RGS7: variants seen among roughly 807,000 people sequenced by gnomAD.
The protein encoded by RGS7 is regulator of G-protein signaling 7.
In RGS7, 27 loss-of-function variants were observed where a neutral mutation model predicts 81.1. That is an observed-to-expected ratio of 0.33 (90% confidence interval 0.25 to 0.46). The LOEUF is 0.46. Ranked by LOEUF, RGS7 falls within the 20% of genes least tolerant of loss-of-function variation. The probability of loss-of-function intolerance (pLI) is 1.00; values close to 1 mark genes in which losing one functional copy is unlikely to be tolerated. For synonymous variants in RGS7, 208 were observed against 207.7 expected (o/e 1.00, Z -0.01); for missense variants, 396 against 607.4 (o/e 0.65, Z 3.66).
chr1:241,290,248 C>A (rs2079020620), intron 2 of RGS7, among the ~76,000 whole-genome samples: 1 of 152,172 alleles, frequency 6.6e-6, no homozygotes, highest in Non-Finnish European at 1.5e-5. Flanking sequence ...ACAGCAGCAG[C>A]TGATGCCAAA....
intron 2 of RGS7, among the ~76,000 whole-genome samples, chr1:241,224,569 A>G (rs1419130163): frequency 2.0e-5 from 3 of 152,126 alleles, no homozygotes; most frequent in African/African-American, 7.2e-5. Context: ...TTCCCACCAT[A>G]AAAGTTAAAG....
At chr1:241,198,980 C>T (rs2073286552) in intron 2 of RGS7, among the ~76,000 whole-genome samples, 1 of 151,980 alleles carries the variant, frequency 6.6e-6, no homozygotes, top group Admixed American at 6.6e-5. Context: ...TAATATACAA[C>T]CAAACAGCCT....
At chr1:240,804,572 G>A (rs1688538474) in intron 15 of RGS7, among the ~76,000 whole-genome samples, 1 of 152,130 alleles carries the variant, frequency 6.6e-6, no homozygotes, top group African/African-American at 2.4e-5. Context: ...ATCCTCTTAG[G>A]CAAGAATATT....
intron 6 of RGS7, among the ~76,000 whole-genome samples, chr1:240,907,498 G>A (rs1671016382): frequency 1.3e-5 from 2 of 152,062 alleles, no homozygotes; most frequent in Admixed American, 1.3e-4. Flanking sequence ...AAAAGATGAA[G>A]TTAGATATGT....
chr1:241,186,931 G>C (rs764662186), intron 2 of RGS7, among the ~76,000 whole-genome samples: 1 of 152,062 alleles, frequency 6.6e-6, no homozygotes, highest in African/African-American at 2.4e-5. Context: ...GGTCTTTTGC[G>C]TCAACTGTTC....
intron 4 of RGS7, among the ~76,000 whole-genome samples, chr1:240,981,462 C>A (rs748824413): frequency 6.6e-6 from 1 of 152,106 alleles, no homozygotes; most frequent in South Asian, 2.1e-4. Flanking sequence ...CACCTCTGAT[C>A]CTTAATAGTC....
At chr1:241,246,639 G>T (rs2076564907) in intron 2 of RGS7, among the ~76,000 whole-genome samples, 1 of 152,082 alleles carries the variant, frequency 6.6e-6, no homozygotes, top group Non-Finnish European at 1.5e-5. Flanking sequence ...AGTCCTTCGG[G>T]GGTAGGCAAA....
At chr1:241,045,713 T>C (rs77011686) in intron 3 of RGS7, among the ~76,000 whole-genome samples, 2,286 of 152,304 alleles carry the variant, frequency 0.015, 61 homozygotes, top group African/African-American at 0.052. Context: ...GGCTTGCCTT[T>C]TGCCCAAACA....
chr1:240,823,196 T>C, intron 10 of RGS7: 1 of 925,288 alleles, frequency 1.1e-6, no homozygotes, highest in Non-Finnish European at 1.8e-6. Context: ...AGGATAAGCG[T>C]GTCCATGGAC....
intron 10 of RGS7, among the ~76,000 whole-genome samples, chr1:240,819,456 C>T (rs182977987): frequency 4.6e-5 from 7 of 152,206 alleles, no homozygotes; most frequent in East Asian, 3.9e-4. Context: ...AGGTCCGATA[C>T]GAGGCCGGGC....
At chr1:241,002,046 T>A (rs1051866253) in intron 3 of RGS7, among the ~76,000 whole-genome samples, 1 of 152,146 alleles carries the variant, frequency 6.6e-6, no homozygotes, top group Non-Finnish European at 1.5e-5. Context: ...TTGGGACTTG[T>A]TGGTAGTGGA....
intron 2 of RGS7, among the ~76,000 whole-genome samples, chr1:241,108,788 G>A (rs569433712): frequency 6.6e-6 from 1 of 152,220 alleles, no homozygotes; most frequent in South Asian, 2.1e-4. Flanking sequence ...CATCTTCGGC[G>A]TCAAGATGGG....
chr1:241,179,524 C>T (rs150901290), intron 2 of RGS7, among the ~76,000 whole-genome samples: 13 of 152,318 alleles, frequency 8.5e-5, no homozygotes, highest in African/African-American at 3.1e-4. Context: ...AGAACATCTC[C>T]ACTAAATCAC....
At chr1:240,895,157 T>C (rs780553735) in intron 6 of RGS7, among the ~76,000 whole-genome samples, 3 of 152,148 alleles carry the variant, frequency 2.0e-5, no homozygotes, top group Non-Finnish European at 4.4e-5. Context: ...CCTTCCACCA[T>C]GATTGAAAGC....
chr1:240,833,731 C>T (rs891578829), intron 9 of RGS7, among the ~76,000 whole-genome samples: 41 of 151,952 alleles, frequency 2.7e-4, no homozygotes, highest in Non-Finnish European at 4.7e-4. Flanking sequence ...CTTATTCTTA[C>T]ATGAAGTAAT....
At chr1:240,791,402 G>A (rs1009831078) in intron 18 of RGS7, among the ~76,000 whole-genome samples, 3 of 152,172 alleles carry the variant, frequency 2.0e-5, no homozygotes, top group Admixed American at 2.0e-4. Context: ...TTACCAAGGT[G>A]TCTGTAGATA....
intron 2 of RGS7, among the ~76,000 whole-genome samples, chr1:241,151,402 A>C (rs915142967): frequency 2.0e-5 from 3 of 152,000 alleles, no homozygotes; most frequent in African/African-American, 7.3e-5. Context: ...CAGCCATGCA[A>C]GAAGACTCCA....
At chr1:240,805,791 A>T (rs938929969) in intron 15 of RGS7, among the ~76,000 whole-genome samples, 1 of 152,152 alleles carries the variant, frequency 6.6e-6, no homozygotes, top group African/African-American at 2.4e-5. Flanking sequence ...AAATCTTTTT[A>T]AAAAAATGTT....
At chr1:240,933,140 A>C (rs261859) in intron 5 of RGS7, among the ~76,000 whole-genome samples, 143,161 of 151,340 alleles carry the variant, frequency 0.95, 67,821 homozygotes, top group East Asian at 0.99. Flanking sequence ...CCTCGGCCCC[A>C]CAAAGTGCTG....
Sources: allele counts gnomAD v4.1 joint callset (sites outside exome capture counted in the v4.1 genomes callset), GRCh38; gene constraint gnomAD v4.1.1; transcripts MANE v1.5; gene names NCBI Gene and HGNC (gene_info 2026-07-23, HGNC 2026-07-21).